Variants in OLFM2 observed in about 807,000 individuals in gnomAD.
The protein encoded by OLFM2 is olfactomedin 2.
OLFM2 carries 20 observed loss-of-function variants against 43.9 expected under a neutral mutation model. The ratio of observed to expected loss-of-function variants is 0.46; its 90% CI spans 0.32 to 0.66. The LOEUF is 0.66. OLFM2 is among the 30% of genes least tolerant of loss of function. The pLI is 0.04. For missense variants in OLFM2, 416 were observed against 643.6 expected, an observed-to-expected ratio of 0.65 and a Z score of 3.83; for synonymous variants, 268 against 278.6, an observed-to-expected ratio of 0.96 and a Z score of 0.38.
rs201897414 is a variant in OLFM2 at position 9,860,735 on chromosome 19, G to T, written c.123C>A (p.Asp41Glu). 31 of 1,609,332 alleles carry T rather than the reference G, an allele frequency of 1.9e-5. No homozygotes were observed. The African/African-American group carries it at 3.2e-4, about 17-fold the overall frequency. The part of the protein sequence containing the change: ...WQLYTSAQAP[D>E]GKCICTAVIP... ...TCACGGCCGTGCAGATGCATTTCCCGTCAGGGGCCTGGGCTGAGGTGTACA... is the reference window on the plus strand; with the variant it reads ...TCACGGCCGTGCAGATGCATTTCCCTTCAGGGGCCTGGGCTGAGGTGTACA... The change falls in exon 2 of 6, where the codon GAC becomes GAA. Residue 41 changes from aspartate (D) to glutamate (E), a missense_variant. By Grantham distance (45) the Asp-to-Glu change is conservative. Coordinates refer to ENST00000264833, the MANE Select transcript of OLFM2 (RefSeq NM_058164.4).
intron 5 of OLFM2, among the ~76,000 whole-genome samples, chr19:9,855,619 G>C (rs1040534261): frequency 3.3e-5 from 5 of 150,990 alleles, no homozygotes; most frequent in African/African-American, 1.2e-4. Flanking sequence ...CTGCAGCCTC[G>C]ACCTCCCAGG....
At chr19:9,913,999 G>C (rs1045639253) in intron 1 of OLFM2, among the ~76,000 whole-genome samples, 12 of 148,594 alleles carry the variant, frequency 8.1e-5, no homozygotes, top group African/African-American at 3.0e-4. Flanking sequence ...CTCTCCATGG[G>C]GTGGGGGACC....
intron 1 of OLFM2, among the ~76,000 whole-genome samples, chr19:9,901,093 G>A (rs1334821937): frequency 7.7e-6 from 1 of 129,766 alleles, no homozygotes; most frequent in African/African-American, 3.0e-5. Context: ...GAGTGAGGAA[G>A]GAAGGAAGGA....
intron 1 of OLFM2, among the ~76,000 whole-genome samples, chr19:9,883,923 T>C (rs2046562930): frequency 6.6e-6 from 1 of 152,050 alleles, no homozygotes; most frequent in Admixed American, 6.6e-5. Context: ...ATCCCCCTCT[T>C]AGGGCAGTCA....
intron 1 of OLFM2, among the ~76,000 whole-genome samples, chr19:9,862,682 TAAAAA>T (rs200610488): frequency 6.6e-6 from 1 of 150,554 alleles, no homozygotes; most frequent in East Asian, 2.0e-4. Context: ...CCCCATCTCT[TAAAAA>T]AAACAGGCCA....
chr19:9,904,204 G>GTGTT (rs2046765816), intron 1 of OLFM2, among the ~76,000 whole-genome samples: 1 of 135,942 alleles, frequency 7.4e-6, no homozygotes, highest in Admixed American at 7.4e-5. Flanking sequence ...GTGTGTGTGT[G>GTGTT]TTTTGAGATG....
chr19:9,919,828 T>A (rs1004796194), intron 1 of OLFM2, among the ~76,000 whole-genome samples: 8 of 131,966 alleles, frequency 6.1e-5, no homozygotes, highest in African/African-American at 2.3e-4. Flanking sequence ...AGAGTCTTGC[T>A]CTGTCACCCA....
intron 1 of OLFM2, among the ~76,000 whole-genome samples, chr19:9,906,880 A>G (rs562568300): frequency 2.6e-5 from 4 of 151,860 alleles, no homozygotes; most frequent in Middle Eastern, 3.4e-3. Flanking sequence ...CCCTCCCCCA[A>G]TCACTCTTGC....
intron 1 of OLFM2, among the ~76,000 whole-genome samples, chr19:9,928,820 G>A (rs554739158): frequency 6.6e-6 from 1 of 151,448 alleles, no homozygotes; most frequent in Non-Finnish European, 1.5e-5. Flanking sequence ...AAAAAAAAGA[G>A]AGAAAGAGAA....
At chr19:9,887,292 C>T (rs1427251002) in intron 1 of OLFM2, among the ~76,000 whole-genome samples, 1 of 151,932 alleles carries the variant, frequency 6.6e-6, no homozygotes, top group Admixed American at 6.6e-5. Context: ...GATTCTCCTG[C>T]CTCAGCCTCC....
At chr19:9,892,513 C>T (rs2046648154) in intron 1 of OLFM2, among the ~76,000 whole-genome samples, 1 of 151,922 alleles carries the variant, frequency 6.6e-6, no homozygotes, top group South Asian at 2.1e-4. Flanking sequence ...GAGTTCGAGA[C>T]CAGCCTGGCC....
At chr19:9,868,432 C>A (rs780457494) in intron 1 of OLFM2, among the ~76,000 whole-genome samples, 2 of 151,634 alleles carry the variant, frequency 1.3e-5, no homozygotes, top group African/African-American at 2.4e-5. Context: ...GTCTCAAATT[C>A]CTGGGCTCAA....
Position 9,868,679 on chromosome 19 carries a change from G to A in OLFM2, c.64-7885C>T, listed in dbSNP as rs555441822. Among the ~76,000 whole-genome samples the A allele has an allele frequency of 2.8e-4, 42 of 152,124 alleles. No homozygotes were observed. The South Asian group carries it at 5.8e-3, about 21-fold the overall frequency. ...TTTAGGGCCGGGTGCAGTGGCTCAC[G>A]CTTGTAATCCCAACACTTTGGGAAG... On this transcript the variant is annotated intron_variant, in intron 1 of 5. Coordinates refer to ENST00000264833, the MANE Select transcript of OLFM2 (RefSeq NM_058164.4).
rs997962615 is a variant in OLFM2, at chr19:9,872,058, G to C, written c.64-11264C>G. Reference sequence around the variant, plus strand: ...TTCTCTCTGACTGCGAGAATGGCAGGAGGGCCGTGATGAATGATGGAGAAT... The same window carrying C: ...TTCTCTCTGACTGCGAGAATGGCAGCAGGGCCGTGATGAATGATGGAGAAT... On this transcript the variant is annotated intron_variant, in intron 1 of 5. Transcript: ENST00000264833. Among the ~76,000 whole-genome samples, 6 of 152,330 alleles carry C rather than the reference G, an allele frequency of 3.9e-5. No homozygotes were observed. In the South Asian group the frequency reaches 1.2e-3, roughly 32 times the overall value.
chr19:9,883,212 A>AAG (rs2046556076), intron 1 of OLFM2, among the ~76,000 whole-genome samples: 1 of 151,300 alleles, frequency 6.6e-6, no homozygotes, highest in Non-Finnish European at 1.5e-5. Flanking sequence ...TCCATCTCAA[A>AAG]AAAAAAAAAA....
At chr19:9,885,565 A>G (rs547051512) in intron 1 of OLFM2, among the ~76,000 whole-genome samples, 6 of 152,216 alleles carry the variant, frequency 3.9e-5, no homozygotes, top group South Asian at 2.1e-4. Context: ...GGACCTGCCC[A>G]TGGCTTTTGG....
chr19:9,889,067 A>G (rs76423665), intron 1 of OLFM2, among the ~76,000 whole-genome samples: 3 of 149,888 alleles, frequency 2.0e-5, no homozygotes, highest in African/African-American at 4.9e-5. Flanking sequence ...CTCCGTCTCA[A>G]AAAAAAAAAA....
At chr19:9,873,061 G>C (rs760251718) in intron 1 of OLFM2, among the ~76,000 whole-genome samples, 1 of 152,196 alleles carries the variant, frequency 6.6e-6, no homozygotes, top group Non-Finnish European at 1.5e-5. Context: ...GGAAAACTGA[G>C]ATACAGAGAA....
chr19:9,906,733 A>T (rs2046788589), intron 1 of OLFM2, among the ~76,000 whole-genome samples: 1 of 152,166 alleles, frequency 6.6e-6, no homozygotes, highest in African/African-American at 2.4e-5. Context: ...GCGGCTGGGC[A>T]GACAAACCTC....
Sources: allele counts gnomAD v4.1 joint callset (sites outside exome capture counted in the v4.1 genomes callset), GRCh38; gene constraint gnomAD v4.1.1; transcripts MANE v1.5; gene names NCBI Gene and HGNC (gene_info 2026-07-23, HGNC 2026-07-21).